The following DNAJC1 variants were observed in gnomAD, a reference collection of about 807,000 sequenced individuals.
DNAJC1 encodes dnaJ homolog subfamily C member 1.
Under a neutral mutation model 76.6 loss-of-function variants are expected in DNAJC1, and 58 were observed. The ratio of observed to expected loss-of-function variants is 0.76; its 90% CI spans 0.61 to 0.94. DNAJC1 has a LOEUF of 0.94. DNAJC1 is among the 40% of genes least tolerant of loss of function. DNAJC1 has a pLI of 0.00. For missense variants in DNAJC1, 689 were observed against 677.3 expected (o/e 1.02, Z -0.19); for synonymous variants, 258 against 267.9 (o/e 0.96, Z 0.36).
intron 8 of DNAJC1, among the ~76,000 whole-genome samples, chr10:21,832,073 A>T (rs1163780060): frequency 1.3e-5 from 2 of 152,040 alleles, no homozygotes; most frequent in Non-Finnish European, 1.5e-5. Flanking sequence ...AAAACGAAGG[A>T]AAATAAAAAT....
In DNAJC1 at chr10:21,818,100, G is replaced by A. The variant is rs182952969; in HGVS notation, c.979-12001C>T. Among the ~76,000 whole-genome samples, 754 of 152,304 alleles carry A rather than the reference G, an allele frequency of 5.0e-3. 4 individuals are homozygous for A. Among genetic ancestry groups the A allele is most frequent in the Non-Finnish European group, 8.4e-3 (573 of 68,028 alleles). ...GACCGCTGGTGAGCCGGGCGGAACA[G>A]AGCCATATTTCTCTTCTTTCAAAAG... On this transcript the variant is annotated intron_variant, in intron 8 of 11. Transcript: ENST00000376980.
At chr10:21,866,775 A>G (rs907805688) in intron 8 of DNAJC1, among the ~76,000 whole-genome samples, 1 of 152,192 alleles carries the variant, frequency 6.6e-6, no homozygotes, top group Non-Finnish European at 1.5e-5. Context: ...AGAGTAGTCC[A>G]TAAAGCCAGT....
chr10:21,983,667 G>C (rs1035849116), intron 1 of DNAJC1, among the ~76,000 whole-genome samples: 2 of 149,678 alleles, frequency 1.3e-5, no homozygotes, highest in Non-Finnish European at 2.9e-5. Context: ...GCTGCAGTGA[G>C]CAGAGATTGC....
chr10:21,780,225 A>C (rs1417372755), intron 9 of DNAJC1, among the ~76,000 whole-genome samples: 1 of 152,192 alleles, frequency 6.6e-6, no homozygotes, highest in African/African-American at 2.4e-5. Flanking sequence ...CCAACATTCA[A>C]ATTCAGGAAA....
chr10:21,826,355 T>C (rs1190919278), intron 8 of DNAJC1, among the ~76,000 whole-genome samples: 6 of 152,006 alleles, frequency 3.9e-5, no homozygotes, highest in African/African-American at 1.4e-4. Context: ...AGAGTCTCAC[T>C]ATGTTGCCCA....
At chr10:21,890,404 C>T (rs1836442620) in intron 7 of DNAJC1, among the ~76,000 whole-genome samples, 1 of 145,418 alleles carries the variant, frequency 6.9e-6, no homozygotes, top group African/African-American at 2.6e-5. Flanking sequence ...AACAGTGAGA[C>T]TCCATATCCC....
chr10:21,895,415 A>G (rs1241758569), intron 7 of DNAJC1, among the ~76,000 whole-genome samples: 1 of 152,204 alleles, frequency 6.6e-6, no homozygotes, highest in Non-Finnish European at 1.5e-5. Flanking sequence ...TTTGTGTCCT[A>G]TTACTTTGTG....
rs189216959 is a variant in DNAJC1, at chr10:21,979,184, C to T, written c.222+24029G>A. On this transcript the variant is annotated intron_variant, in intron 1 of 11. Coordinates refer to ENST00000376980, the MANE Select transcript of DNAJC1 (RefSeq NM_022365.4). ...AAAAACCAGCTAGAAATCTATTAGA[C>T]GTGCCTTCTATTAATATAAGTAGTA... Among the ~76,000 whole-genome samples the T allele has an allele frequency of 1.6e-4, 25 of 151,836 alleles. No individual in the cohort carries two copies. The East Asian group carries it at 3.7e-3, about 22-fold the overall frequency.
chr10:21,997,278 G>A (rs1307950114), intron 1 of DNAJC1, among the ~76,000 whole-genome samples: 1 of 152,220 alleles, frequency 6.6e-6, no homozygotes, highest in African/African-American at 2.4e-5. Flanking sequence ...AGTGGACACA[G>A]GAGTCGGGCA....
At chr10:21,861,677 C>T (rs1019380590) in intron 8 of DNAJC1, among the ~76,000 whole-genome samples, 6 of 152,080 alleles carry the variant, frequency 3.9e-5, no homozygotes, top group African/African-American at 1.2e-4. Context: ...AAGATGGAGA[C>T]ACGAGTGACC....
intron 8 of DNAJC1, among the ~76,000 whole-genome samples, chr10:21,835,738 G>C (rs528071208): frequency 6.6e-6 from 1 of 152,114 alleles, no homozygotes; most frequent in South Asian, 2.1e-4. Context: ...GATGGAAGAC[G>C]AACTGAATGA....
intron 6 of DNAJC1, among the ~76,000 whole-genome samples, chr10:21,914,957 T>C (rs1450352043): frequency 6.6e-6 from 1 of 152,222 alleles, no homozygotes; most frequent in Non-Finnish European, 1.5e-5. Flanking sequence ...GAAGCATATA[T>C]ACCGTATTGT....
chr10:21,939,501 G>A (rs66617324), intron 1 of DNAJC1, among the ~76,000 whole-genome samples: 9,951 of 152,156 alleles, frequency 0.065, 779 homozygotes, highest in African/African-American at 0.19. Context: ...CTATATAGGA[G>A]TACCATTTTA....
intron 6 of DNAJC1, among the ~76,000 whole-genome samples, chr10:21,918,134 A>G (rs1236773367): frequency 6.6e-6 from 1 of 151,980 alleles, no homozygotes; most frequent in Admixed American, 6.5e-5. Flanking sequence ...ACCTGATGCA[A>G]AAATCAAAAT....
chr10:21,916,111 T>C (rs1445138561), intron 6 of DNAJC1, among the ~76,000 whole-genome samples: 4 of 152,214 alleles, frequency 2.6e-5, no homozygotes, highest in Admixed American at 2.0e-4. Context: ...AAGACTCTAG[T>C]TTGACTCTTC....
intron 8 of DNAJC1, among the ~76,000 whole-genome samples, chr10:21,867,337 G>T (rs1163286260): frequency 6.6e-6 from 1 of 152,062 alleles, no homozygotes. Context: ...GCCTACAGAT[G>T]TGTGCTGTCT....
intron 8 of DNAJC1, among the ~76,000 whole-genome samples, chr10:21,859,618 G>C (rs576579806): frequency 6.6e-6 from 1 of 151,844 alleles, no homozygotes; most frequent in Non-Finnish European, 1.5e-5. Flanking sequence ...CATAGACATA[G>C]GGGTTACATA....
intron 8 of DNAJC1, among the ~76,000 whole-genome samples, chr10:21,865,121 T>C (rs1402887676): frequency 1.3e-5 from 2 of 152,130 alleles, no homozygotes; most frequent in African/African-American, 4.8e-5. Context: ...CTGGTGGGAA[T>C]GTAAAAATCA....
intron 8 of DNAJC1, among the ~76,000 whole-genome samples, chr10:21,871,017 C>T (rs1161375826): frequency 6.6e-6 from 1 of 152,100 alleles, no homozygotes; most frequent in South Asian, 2.1e-4. Flanking sequence ...TTTGGTACCT[C>T]CCTGGAAGAC....
Sources: allele counts gnomAD v4.1 joint callset (sites outside exome capture counted in the v4.1 genomes callset), GRCh38; gene constraint gnomAD v4.1.1; transcripts MANE v1.5; gene names NCBI Gene and HGNC (gene_info 2026-07-23, HGNC 2026-07-21).